The following CDH3 variants were observed in gnomAD, a reference collection of about 807,000 sequenced individuals.
CDH3 encodes the protein cadherin 3, also known as cadherin-3.
In CDH3, 54 loss-of-function variants were observed where a neutral mutation model predicts 82.0. That is an observed-to-expected ratio of 0.66 (90% CI 0.53 to 0.83). The LOEUF (loss-of-function observed/expected upper bound fraction) is 0.83, where lower values mean the gene tolerates loss of function less well. Ranked by LOEUF, CDH3 falls within the 40% of genes least tolerant of loss-of-function variation. CDH3 has a pLI of 0.00. For missense variants in CDH3, 1,054 were observed against 1,084.6 expected (o/e 0.97, Z 0.40); for synonymous variants, 446 against 437.9 (o/e 1.02, Z -0.23).
At chr16:68,669,296 C>G (rs1241132861) in intron 2 of CDH3, among the ~76,000 whole-genome samples, 2 of 152,162 alleles carry the variant, frequency 1.3e-5, no homozygotes, top group African/African-American at 4.8e-5. Context: ...CAGTCTGGAC[C>G]ATTGCCCCTT....
downstream of CDH3, among the ~76,000 whole-genome samples, chr16:68,729,283 C>T (rs1435327302): frequency 1.3e-5 from 2 of 151,832 alleles, no homozygotes; most frequent in African/African-American, 4.8e-5. Flanking sequence ...CCAGCCTGGG[C>T]GAAAAAGTGA....
intron 2 of CDH3, among the ~76,000 whole-genome samples, chr16:68,669,708 C>T (rs1960835042): frequency 6.6e-6 from 1 of 152,008 alleles, no homozygotes; most frequent in Non-Finnish European, 1.5e-5. Flanking sequence ...TTCTGGGTTA[C>T]CTGGTGGGAG....
intron 13 of CDH3, among the ~76,000 whole-genome samples, chr16:68,693,357 A>G (rs555339597): frequency 3.9e-5 from 6 of 152,074 alleles, no homozygotes; most frequent in African/African-American, 1.4e-4. Flanking sequence ...AGGGGTAAAA[A>G]GGTGATGGGA....
chr16:68,683,492 A>T (rs1961287318), intron 9 of CDH3, among the ~76,000 whole-genome samples: 1 of 151,692 alleles, frequency 6.6e-6, no homozygotes, highest in Non-Finnish European at 1.5e-5. Context: ...TCTACTAAAA[A>T]TACAAAAAAA....
At chr16:68,653,911 G>C (rs559455505) in intron 2 of CDH3, among the ~76,000 whole-genome samples, 2 of 151,558 alleles carry the variant, frequency 1.3e-5, no homozygotes, top group Non-Finnish European at 2.9e-5. Context: ...TAGAGACGAG[G>C]TTTCGCCATG....
intron 1 of CDH3, among the ~76,000 whole-genome samples, chr16:68,717,060 T>G (rs528227390): frequency 4.9e-4 from 75 of 152,292 alleles, no homozygotes; most frequent in Non-Finnish European, 8.8e-5. Flanking sequence ...TGTTTTTGTC[T>G]GAAGAGACAA....
At chr16:68,667,879 T>A (rs1960781107) in intron 2 of CDH3, among the ~76,000 whole-genome samples, 2 of 152,198 alleles carry the variant, frequency 1.3e-5, no homozygotes, top group South Asian at 4.1e-4. Context: ...GAGCTCTGGC[T>A]TTTTTGTTGT....
Position 68,684,831 on chromosome 16 carries a change from A to T in CDH3, c.1424+7A>T, listed in dbSNP as rs770450750. 1.4e-5 allele frequency: 23 copies of T among 1,614,010 alleles called. No individual in the cohort carries two copies. Among genetic ancestry groups the T allele is most frequent in the Non-Finnish European group, 1.9e-5 (23 of 1,180,032 alleles). ...AGGAGAATCAAAAGATCAGGTACTC[A>T]GGAGCTGGGCTCAGTAAGCAGCACG... On this transcript the variant is annotated splice_region_variant and intron_variant, in intron 10 of 15. Transcript: ENST00000264012.
chr16:68,729,532 AGAT>A (rs1056307022), downstream of CDH3, among the ~76,000 whole-genome samples: 4 of 152,230 alleles, frequency 2.6e-5, no homozygotes, highest in African/African-American at 9.6e-5. Context: ...ACCTCAAAAA[AGAT>A]GAACAAAAAG....
At chr16:68,716,549 A>G (rs145027127) in intron 1 of CDH3, among the ~76,000 whole-genome samples, 3 of 135,798 alleles carry the variant, frequency 2.2e-5, no homozygotes, top group African/African-American at 8.3e-5. Context: ...TGAGCCCAGG[A>G]GTTTGAGGTT....
chr16:68,691,855 T>A lies in CDH3; in HGVS notation c.1931T>A (p.Val644Asp), dbSNP rs1961586956. ...ACTGTGTGCGACTGCCATGGCCATGTCGAAACCTGCCCTGGACCCTGGAAG... is the reference window on the plus strand; with the variant it reads ...ACTGTGTGCGACTGCCATGGCCATGACGAAACCTGCCCTGGACCCTGGAAG... ...RATVCDCHGHVETCPGPWKGG... is the reference protein window; with the variant it reads ...RATVCDCHGHDETCPGPWKGG... The change falls in exon 13 of 16, where the codon GTC becomes GAC. Residue 644 changes from valine to aspartate, a missense_variant. Val to Asp is a radical substitution (Grantham distance 152). Coordinates refer to ENST00000264012, the MANE Select transcript of CDH3 (RefSeq NM_001793.6). 1 of 1,614,018 alleles carries A rather than the reference T, an allele frequency of 6.2e-7. No individual in the cohort carries two copies. The highest frequency in any genetic ancestry group is 1.3e-5 in the African/African-American group (1 of 74,928).
chr16:68,683,447 C>T (rs868203616), intron 9 of CDH3, among the ~76,000 whole-genome samples: 3 of 151,064 alleles, frequency 2.0e-5, no homozygotes, highest in Non-Finnish European at 4.4e-5. Flanking sequence ...GTCAGGAGAC[C>T]GAGACCATCC....
chr16:68,655,052 C>T (rs1383598652), intron 2 of CDH3, among the ~76,000 whole-genome samples: 1 of 149,602 alleles, frequency 6.7e-6, no homozygotes, highest in Non-Finnish European at 1.5e-5. Flanking sequence ...TAAATAAATA[C>T]GTAAAATAGA....
At chr16:68,722,133 CTGGGTTGTAAATCCT>C (rs772026286) in intron 1 of CDH3, among the ~76,000 whole-genome samples, 8 of 152,158 alleles carry the variant, frequency 5.3e-5, no homozygotes, top group Non-Finnish European at 8.8e-5. Flanking sequence ...GCTTATTGCT[CTGGGTTGTAAATCCT>C]TGGGTTGTAA....
At chr16:68,731,425 T>TAC (rs1567467981), downstream of CDH3, among the ~76,000 whole-genome samples, 2 of 51,952 alleles carry the variant, frequency 3.8e-5, no homozygotes, top group Non-Finnish European at 6.5e-5. Context: ...CATATACACA[T>TAC]ATATACACAT....
chr16:68,730,165 G>A (rs536021489), downstream of CDH3, among the ~76,000 whole-genome samples: 20 of 151,410 alleles, frequency 1.3e-4, no homozygotes, highest in African/African-American at 2.4e-4. Flanking sequence ...CCTGGGAGGC[G>A]GAGGTTGCAG....
chr16:68,659,579 CAAAA>C (rs548955678), intron 2 of CDH3, among the ~76,000 whole-genome samples: 1 of 125,838 alleles, frequency 7.9e-6, no homozygotes, highest in Non-Finnish European at 1.7e-5. Flanking sequence ...GATGCTGTCT[CAAAA>C]AAAAAAAAAA....
chr16:68,684,496 G>T, intron 9 of CDH3, 87 bp from the exon 10 acceptor site: 4 of 1,487,682 alleles, frequency 2.7e-6, no homozygotes, highest in Non-Finnish European at 3.7e-6. Context: ...CCTCAGTATT[G>T]GTGTTTTCCT....
At chr16:68,685,442 C>T (rs1961384106) in intron 11 of CDH3, 92 bp downstream of exon 11, 3 of 1,412,954 alleles carry the variant, frequency 2.1e-6, no homozygotes, top group Admixed American at 3.4e-5. Context: ...CAGGTGGGAA[C>T]ATGTGTCGAG....
Sources: gnomAD v4.1 joint callset for allele counts (sites outside exome capture counted in the v4.1 genomes callset) on GRCh38, gnomAD v4.1.1 for gene constraint, MANE v1.5 for transcripts, NCBI Gene and HGNC (gene_info 2026-07-23, HGNC 2026-07-21) for gene names.